Variants in SAMD12 observed in about 807,000 individuals in gnomAD.
The protein encoded by SAMD12 is sterile alpha motif domain-containing protein 12.
SAMD12 carries 9 observed loss-of-function variants against 15.0 expected under a neutral mutation model. The observed-to-expected ratio is 0.60, with a 90% CI of 0.36 to 1.05. SAMD12 has a LOEUF of 1.05. Ranked by LOEUF, SAMD12 falls within the 50% of genes least tolerant of loss-of-function variation. SAMD12 has a pLI of 0.01. For missense variants in SAMD12, 230 were observed against 234.2 expected (o/e 0.98, Z 0.12); for synonymous variants, 86 against 90.1 (o/e 0.96, Z 0.25).
chr8:118,604,450 A>G (rs1481698236), intron 1 of SAMD12, among the ~76,000 whole-genome samples: 1 of 152,198 alleles, frequency 6.6e-6, no homozygotes, highest in Non-Finnish European at 1.5e-5. Context: ...CTGAATGTTT[A>G]ATCAAGGATT....
At chr8:118,494,290 C>T (rs1824537098) in intron 2 of SAMD12, among the ~76,000 whole-genome samples, 1 of 152,128 alleles carries the variant, frequency 6.6e-6, no homozygotes, top group African/African-American at 2.4e-5. Flanking sequence ...TCTATAAGAC[C>T]ATTTTGGACT....
intron 2 of SAMD12, among the ~76,000 whole-genome samples, chr8:118,544,998 T>C (rs371687182): frequency 3.3e-4 from 50 of 152,314 alleles, no homozygotes; most frequent in African/African-American, 1.1e-3. Flanking sequence ...GGTTTTCAAA[T>C]TGTTTCACAC....
At chr8:118,258,501 T>C (rs1198757032) in intron 4 of SAMD12, among the ~76,000 whole-genome samples, 3 of 152,108 alleles carry the variant, frequency 2.0e-5, no homozygotes, top group African/African-American at 7.2e-5. Context: ...CATGCCACTA[T>C]GTTAGGTGCT....
intron 4 of SAMD12, among the ~76,000 whole-genome samples, chr8:118,202,654 C>T (rs1054843771): frequency 6.6e-6 from 1 of 152,152 alleles, no homozygotes; most frequent in Non-Finnish European, 1.5e-5. Flanking sequence ...GGCAGCCCCA[C>T]GTCTCATGGG....
rs1281008528 is a variant in SAMD12 at position 118,505,927 on chromosome 8, G to A, written c.193-65966C>T. ...TCCTCAGGCCCCAGAACAGAATTTG[G>A]ATATTCCTTGGTGCCCTGGACATAA... is the stretch of plus-strand genomic sequence containing the variant. On this transcript the variant is annotated intron_variant, in intron 2 of 3. Transcript: ENST00000314727. 3.9e-5 allele frequency among the ~76,000 whole-genome samples: 6 copies of A among 152,156 alleles called. No homozygotes were observed. The East Asian group carries it at 1.2e-3, about 29-fold the overall frequency.
the SAMD12 span, among the ~76,000 whole-genome samples, chr8:118,174,069 C>A: frequency 3.3e-5 from 5 of 152,130 alleles, no homozygotes; most frequent in Non-Finnish European, 7.4e-5. Context: ...CTTGGTCCTG[C>A]CAGTTAAAAG....
At chr8:118,354,799 T>C (rs1397136263) in intron 4 of SAMD12, among the ~76,000 whole-genome samples, 1 of 152,228 alleles carries the variant, frequency 6.6e-6, no homozygotes, top group Non-Finnish European at 1.5e-5. Flanking sequence ...CCTTGTATTG[T>C]CCTCCAGTTA....
intron 4 of SAMD12, among the ~76,000 whole-genome samples, chr8:118,289,443 T>A (rs1432981736): frequency 6.6e-6 from 1 of 152,170 alleles, no homozygotes; most frequent in Non-Finnish European, 1.5e-5. Flanking sequence ...CAGTTAAATG[T>A]TCTATTTTCC....
chr8:118,400,528 A>G (rs1278662588), intron 3 of SAMD12: 1 of 152,252 alleles, frequency 6.6e-6, no homozygotes, highest in Admixed American at 6.5e-5. Context: ...GTTTCCATAC[A>G]TCAGGAGACA....
At chr8:118,142,693 A>C in the SAMD12 span, among the ~76,000 whole-genome samples, 1 of 152,220 alleles carries the variant, frequency 6.6e-6, no homozygotes, top group Non-Finnish European at 1.5e-5. Flanking sequence ...ATCCTTGGCT[A>C]TCTTTGCTCA....
intron 4 of SAMD12, among the ~76,000 whole-genome samples, chr8:118,221,040 A>C (rs1199367194): frequency 6.6e-6 from 1 of 152,188 alleles, no homozygotes; most frequent in Non-Finnish European, 1.5e-5. Context: ...ACTACGGGGA[A>C]AACTTCTTGA....
At chr8:118,329,263 GT>G (rs1373609269) in intron 4 of SAMD12, among the ~76,000 whole-genome samples, 1 of 152,140 alleles carries the variant, frequency 6.6e-6, no homozygotes, top group African/African-American at 2.4e-5. Flanking sequence ...GGAACAGTGA[GT>G]GGCCAGCCTT....
At chr8:118,484,671 CCCT>C (rs1409592551) in intron 2 of SAMD12, among the ~76,000 whole-genome samples, 1 of 152,062 alleles carries the variant, frequency 6.6e-6, no homozygotes, top group Non-Finnish European at 1.5e-5. Flanking sequence ...AGTTGAGATT[CCCT>C]CATAAAACCA....
chr8:118,352,639 T>G (rs541215053), intron 4 of SAMD12, among the ~76,000 whole-genome samples: 32 of 152,308 alleles, frequency 2.1e-4, no homozygotes, highest in Non-Finnish European at 4.3e-4. Context: ...GGATCTGAAT[T>G]AACTAACCGT....
exon 5 of SAMD12, chr8:118,195,813 A>AAAGG (rs999959925): frequency 1.3e-5 from 2 of 152,466 alleles, no homozygotes; most frequent in African/African-American, 2.4e-5. Flanking sequence ...CTTGCTGAAT[A>AAAGG]AAGGAAGGAA....
intron 2 of SAMD12, among the ~76,000 whole-genome samples, chr8:118,459,247 G>A (rs180905904): frequency 6.6e-6 from 1 of 151,958 alleles, no homozygotes; most frequent in South Asian, 2.1e-4. Flanking sequence ...TGTATTTTTA[G>A]TGGAAACGGG....
At chr8:118,299,241 C>T (rs7816759) in intron 4 of SAMD12, among the ~76,000 whole-genome samples, 4,199 of 152,160 alleles carry the variant, frequency 0.028, 188 homozygotes, top group African/African-American at 0.094. Flanking sequence ...CTCAGAGTCC[C>T]CAAGTAGGCT....
At chr8:118,421,098 A>T (rs1343179373) in intron 3 of SAMD12, among the ~76,000 whole-genome samples, 1 of 152,194 alleles carries the variant, frequency 6.6e-6, no homozygotes, top group African/African-American at 2.4e-5. Context: ...ATTTTACCTT[A>T]CTAGTTGTGT....
intron 1 of SAMD12, among the ~76,000 whole-genome samples, chr8:118,598,001 C>T (rs1427608376): frequency 2.0e-5 from 3 of 152,150 alleles, no homozygotes; most frequent in Non-Finnish European, 2.9e-5. Flanking sequence ...GAATAGGATG[C>T]CTCTTCTGTG....
Sources: gnomAD v4.1 joint callset for allele counts (sites outside exome capture counted in the v4.1 genomes callset) on GRCh38, gnomAD v4.1.1 for gene constraint, MANE v1.5 for transcripts, NCBI Gene and HGNC (gene_info 2026-07-23, HGNC 2026-07-21) for gene names.